C12orf42: variants seen among roughly 807,000 people sequenced by gnomAD.
The protein encoded by C12orf42 is uncharacterized protein C12orf42.
A neutral mutation model predicts 21.6 loss-of-function variants in C12orf42; 25 were observed. That is an observed-to-expected ratio of 1.16 (90% CI 0.84 to 1.62). The LOEUF (loss-of-function observed/expected upper bound fraction) is 1.62, where lower values mean the gene tolerates loss of function less well. Ranked by LOEUF, C12orf42 falls within the 40% of genes most tolerant of loss-of-function variation. The pLI, the probability that C12orf42 is intolerant of heterozygous loss-of-function variation, is 0.00. For missense variants in C12orf42, 483 were observed against 459.3 expected, an observed-to-expected ratio of 1.05 and a Z score of -0.47; for synonymous variants, 174 against 175.0, an observed-to-expected ratio of 0.99 and a Z score of 0.05.
rs553104130 is a variant in C12orf42, at chr12:103,444,011, GT to G, written c.78+34337del. ...AATGTCAAATAAAAATTCTTTACCT[GT>G]GCCATTTGTCTCCTTTTCTTTGGTT... On this transcript the variant is annotated intron_variant, in intron 2 of 5. Coordinates refer to ENST00000548883, the MANE Select transcript of C12orf42 (RefSeq NM_198521.5). Among the ~76,000 whole-genome samples, 6 of 151,934 alleles carry G rather than the reference GT, an allele frequency of 3.9e-5. No homozygotes were observed. In the South Asian group the frequency reaches 1.2e-3, roughly 32 times the overall value.
the C12orf42 span, among the ~76,000 whole-genome samples, chr12:103,062,587 G>A: frequency 0.012 from 1,804 of 152,026 alleles, 41 homozygotes; most frequent in African/African-American, 0.041. Context: ...TTATTTTGCC[G>A]TTATTTCTAA....
chr12:103,401,175 G>A (rs1382549427), intron 3 of C12orf42, among the ~76,000 whole-genome samples: 1 of 152,058 alleles, frequency 6.6e-6, no homozygotes, highest in African/African-American at 2.4e-5. Context: ...CAACCAATTA[G>A]TAGAAGGTGG....
At chr12:103,425,705 C>T (rs185829178) in intron 2 of C12orf42, among the ~76,000 whole-genome samples, 6 of 151,382 alleles carry the variant, frequency 4.0e-5, no homozygotes, top group East Asian at 3.9e-4. Context: ...CGCCCACAGC[C>T]GCCCCTTCCC....
intron 2 of C12orf42, among the ~76,000 whole-genome samples, chr12:103,412,586 T>C (rs924477264): frequency 1.3e-5 from 2 of 152,188 alleles, no homozygotes; most frequent in African/African-American, 4.8e-5. Context: ...GGAGAATCAC[T>C]TGAACCTGGG....
At chr12:103,509,470 C>T in the C12orf42 span, among the ~76,000 whole-genome samples, 1 of 152,108 alleles carries the variant, frequency 6.6e-6, no homozygotes, top group Non-Finnish European at 1.5e-5. Flanking sequence ...AAAAAAGCTT[C>T]CTCGGGTAAA....
chr12:103,115,215 A>T, the C12orf42 span, among the ~76,000 whole-genome samples: 7 of 152,202 alleles, frequency 4.6e-5, no homozygotes, highest in African/African-American at 1.4e-4. Flanking sequence ...ATGCTCTCAA[A>T]TTGTGGAACT....
the C12orf42 span, among the ~76,000 whole-genome samples, chr12:103,216,948 T>G: frequency 1.3e-5 from 2 of 152,120 alleles, no homozygotes; most frequent in African/African-American, 4.8e-5. Context: ...GTTCAAGGGA[T>G]TCCCCTGCCT....
At chr12:103,203,733 T>C in the C12orf42 span, among the ~76,000 whole-genome samples, 4 of 152,090 alleles carry the variant, frequency 2.6e-5, no homozygotes, top group African/African-American at 9.7e-5. Context: ...ACCAAGTATC[T>C]AGCTAGCAAC....
At chr12:103,258,503 A>T (rs2034725825) in intron 10 of C12orf42, among the ~76,000 whole-genome samples, 3 of 152,006 alleles carry the variant, frequency 2.0e-5, no homozygotes, top group Non-Finnish European at 4.4e-5. Flanking sequence ...TTGAATTATA[A>T]CATCTTGTTT....
At chr12:103,290,069 GA>G (rs2036698667) in intron 4 of C12orf42, among the ~76,000 whole-genome samples, 5 of 152,122 alleles carry the variant, frequency 3.3e-5, no homozygotes, top group Non-Finnish European at 5.9e-5. Flanking sequence ...GAAGTGGAAG[GA>G]AAGCAAGAAG....
chr12:103,236,199 G>A (rs757881587), downstream of C12orf42, among the ~76,000 whole-genome samples: 3 of 151,964 alleles, frequency 2.0e-5, no homozygotes, highest in Admixed American at 1.3e-4. Context: ...ATTCTAAGTC[G>A]ACAACAAGTT....
rs1275316433 is a variant in C12orf42, at chr12:103,301,961, T to C, written c.*147A>G. The C allele has an allele frequency of 3.2e-6, 3 of 938,392 alleles. No individual in the cohort carries two copies. The highest frequency in any genetic ancestry group is 5.4e-5 in the East Asian group (2 of 37,210). The allele number at this position is 938,392 out of a possible 1,614,324, so 58.1% of individuals were successfully genotyped here. On this transcript the variant is annotated 3_prime_UTR_variant, in exon 6 of 6. Transcript: ENST00000548883. Reference sequence around the variant, plus strand: ...CATTTTTGGCTGCGCTAGGGACTTTTGACATTATTTATTAGGTTCAAAAAT... The same window carrying C: ...CATTTTTGGCTGCGCTAGGGACTTTCGACATTATTTATTAGGTTCAAAAAT...
chr12:103,160,377 A>G, the C12orf42 span, among the ~76,000 whole-genome samples: 1 of 152,206 alleles, frequency 6.6e-6, no homozygotes, highest in Non-Finnish European at 1.5e-5. Flanking sequence ...TGAAAGGTTT[A>G]TAGGAATTAC....
the C12orf42 span, among the ~76,000 whole-genome samples, chr12:103,563,724 T>C: frequency 1.3e-5 from 2 of 152,160 alleles, no homozygotes; most frequent in Non-Finnish European, 2.9e-5. Flanking sequence ...CAGGACCTGC[T>C]GGAGAGCACA....
intron 4 of C12orf42, among the ~76,000 whole-genome samples, chr12:103,281,891 A>G (rs1387145535): frequency 6.7e-6 from 1 of 148,786 alleles, no homozygotes; most frequent in Non-Finnish European, 1.5e-5. Flanking sequence ...AAGAAAGAAA[A>G]AGAAAGAAAG....
At chr12:103,060,072 A>G in the C12orf42 span, among the ~76,000 whole-genome samples, 1 of 152,166 alleles carries the variant, frequency 6.6e-6, no homozygotes, top group Non-Finnish European at 1.5e-5. Context: ...GATTCTATAT[A>G]TAGAATACCC....
chr12:103,529,329 CAA>C, the C12orf42 span, among the ~76,000 whole-genome samples: 4 of 152,158 alleles, frequency 2.6e-5, no homozygotes, highest in Admixed American at 1.3e-4. Flanking sequence ...GGATATAACT[CAA>C]AGGTGGATTT....
rs142157430 is a variant in C12orf42, at chr12:103,292,150, T to C, written n.338-14940A>G. Among the ~76,000 whole-genome samples the C allele has an allele frequency of 1.4e-4, 22 of 152,206 alleles. No homozygotes were observed. In the Middle Eastern group the frequency reaches 0.01, roughly 71 times the overall value. ...ATGAACCTTAAAAAGTCATGCTAAG[T>C]GAAAGAAGCCAGTCACAAAAGACAC... On this transcript the variant is annotated intron_variant and non_coding_transcript_variant, in intron 4 of 6. Transcript: ENST00000546526.
the C12orf42 span, among the ~76,000 whole-genome samples, chr12:103,052,927 A>G: frequency 1.3e-5 from 2 of 152,038 alleles, no homozygotes; most frequent in East Asian, 3.9e-4. Flanking sequence ...ACTTTATTAA[A>G]GTGGCAACTT....
Sources: gnomAD v4.1 joint callset for allele counts (sites outside exome capture counted in the v4.1 genomes callset) on GRCh38, gnomAD v4.1.1 for gene constraint, MANE v1.5 for transcripts, NCBI Gene and HGNC (gene_info 2026-07-23, HGNC 2026-07-21) for gene names.